The following EIF2B3 variants were observed in gnomAD, a reference collection of about 807,000 sequenced individuals.
EIF2B3 encodes the protein eukaryotic translation initiation factor 2B subunit gamma.
In EIF2B3, 20 loss-of-function variants were observed where a neutral mutation model predicts 54.1. That is an observed-to-expected ratio of 0.37 (90% CI 0.26 to 0.54). EIF2B3 has a LOEUF of 0.54. EIF2B3 is among the 20% of genes least tolerant of loss of function. The pLI, the probability that EIF2B3 is intolerant of heterozygous loss-of-function variation, is 0.86. For synonymous variants in EIF2B3, 153 were observed against 188.1 expected, an observed-to-expected ratio of 0.81 and a Z score of 1.52; for missense variants, 448 against 547.8, an observed-to-expected ratio of 0.82 and a Z score of 1.82.
intron 4 of EIF2B3, among the ~76,000 whole-genome samples, chr1:44,932,060 C>T (rs1643901155): frequency 6.6e-6 from 1 of 151,998 alleles, no homozygotes; most frequent in African/African-American, 2.4e-5. Flanking sequence ...TGCAGTGAGC[C>T]AAGATTGTGC....
intron 1 of EIF2B3, among the ~76,000 whole-genome samples, chr1:44,983,129 G>C (rs1569898717): frequency 6.6e-6 from 1 of 152,006 alleles, no homozygotes; most frequent in East Asian, 1.9e-4. Context: ...TGCTGCCCAG[G>C]CTGGTCTCAA....
intron 10 of EIF2B3, among the ~76,000 whole-genome samples, chr1:44,864,252 T>A (rs1319519291): frequency 5.9e-5 from 9 of 152,164 alleles, no homozygotes; most frequent in African/African-American, 2.2e-4. Flanking sequence ...CAAAGTGTCA[T>A]AATTTGGTGT....
At chr1:44,869,457 GAC>G (rs1439411215) in intron 10 of EIF2B3, among the ~76,000 whole-genome samples, 1 of 150,108 alleles carries the variant, frequency 6.7e-6, no homozygotes, top group African/African-American at 2.5e-5. Flanking sequence ...CAGCCTTGGT[GAC>G]AGAGTGAGAC....
intron 2 of EIF2B3, among the ~76,000 whole-genome samples, chr1:44,979,440 C>T (rs2148964966): frequency 7.1e-6 from 1 of 140,842 alleles, no homozygotes; most frequent in African/African-American, 2.6e-5. Context: ...AACTCAAGAC[C>T]AGCCTGGGTA....
intron 3 of EIF2B3, among the ~76,000 whole-genome samples, chr1:44,944,790 C>T (rs1217933557): frequency 1.3e-5 from 2 of 152,162 alleles, no homozygotes; most frequent in Non-Finnish European, 2.9e-5. Context: ...AATTACTCCA[C>T]TGGATTCCAG....
intron 4 of EIF2B3, among the ~76,000 whole-genome samples, chr1:44,932,837 T>G (rs990483683): frequency 1.3e-5 from 2 of 152,158 alleles, no homozygotes; most frequent in African/African-American, 4.8e-5. Flanking sequence ...AACAAATATG[T>G]GGGCAGAATA....
chr1:44,912,087 T>G (rs1481055650), intron 5 of EIF2B3, among the ~76,000 whole-genome samples: 1 of 151,902 alleles, frequency 6.6e-6, no homozygotes, highest in Admixed American at 6.6e-5. Context: ...GTGCCACATT[T>G]TCTTAATCCA....
intron 5 of EIF2B3, among the ~76,000 whole-genome samples, chr1:44,903,677 TGTGAATGA>T (rs1643358490): frequency 6.6e-6 from 1 of 152,254 alleles, no homozygotes; most frequent in South Asian, 2.1e-4. Flanking sequence ...TCAGCATTGC[TGTGAATGA>T]GACCGTAAGA....
At chr1:44,852,966 GAGA>G (rs1448474365) in intron 11 of EIF2B3, among the ~76,000 whole-genome samples, 2 of 152,168 alleles carry the variant, frequency 1.3e-5, no homozygotes, top group Non-Finnish European at 2.9e-5. Flanking sequence ...AAGGTTGGTA[GAGA>G]AGTTCAGGGA....
intron 4 of EIF2B3, among the ~76,000 whole-genome samples, chr1:44,938,766 C>G (rs966364880): frequency 1.3e-5 from 2 of 152,004 alleles, no homozygotes; most frequent in Non-Finnish European, 2.9e-5. Flanking sequence ...GGATTACGGT[C>G]CTGAGCCATG....
At chr1:44,899,759 G>A (rs1366188599) in intron 5 of EIF2B3, among the ~76,000 whole-genome samples, 1 of 152,202 alleles carries the variant, frequency 6.6e-6, no homozygotes, top group Admixed American at 6.5e-5. Flanking sequence ...TTCAGCCACT[G>A]TGGAAAGCAG....
intron 11 of EIF2B3, among the ~76,000 whole-genome samples, chr1:44,856,381 G>A (rs1042606603): frequency 6.6e-6 from 1 of 151,846 alleles, no homozygotes; most frequent in African/African-American, 2.4e-5. Flanking sequence ...CAAGGGTGGT[G>A]GTGTGCCCCT....
chr1:44,891,761 C>T (rs1451812435), intron 6 of EIF2B3, among the ~76,000 whole-genome samples: 1 of 152,134 alleles, frequency 6.6e-6, no homozygotes, highest in African/African-American at 2.4e-5. Context: ...CTTCTATGCT[C>T]TCACAGTAAA....
chr1:44,855,106 G>A (rs1223496160), intron 11 of EIF2B3, among the ~76,000 whole-genome samples: 2 of 146,938 alleles, frequency 1.4e-5, no homozygotes, highest in Non-Finnish European at 3.0e-5. Flanking sequence ...AAAAAAAAAA[G>A]AAGAAGTAAT....
At chr1:44,864,328 G>T (rs565064300) in intron 10 of EIF2B3, among the ~76,000 whole-genome samples, 24 of 152,284 alleles carry the variant, frequency 1.6e-4, no homozygotes, top group South Asian at 6.2e-4. Context: ...ATTTTGGGAG[G>T]CTGAGGCGGG....
intron 3 of EIF2B3, among the ~76,000 whole-genome samples, chr1:44,964,333 G>C: frequency 6.6e-6 from 1 of 152,122 alleles, no homozygotes; most frequent in East Asian, 1.9e-4. Context: ...TTGGGACCAA[G>C]TTCTCAGATC....
intron 11 of EIF2B3, among the ~76,000 whole-genome samples, chr1:44,852,115 A>ATTTTTTTTT (rs34314171): frequency 1.1e-4 from 15 of 133,262 alleles, no homozygotes; most frequent in Non-Finnish European, 1.5e-4. Context: ...CACATGGCTA[A>ATTTTTTTTT]TTTTTTTTTT....
chr1:44,979,084 C>T (rs1305899776), intron 2 of EIF2B3, among the ~76,000 whole-genome samples: 3 of 151,254 alleles, frequency 2.0e-5, no homozygotes, highest in African/African-American at 7.3e-5. Flanking sequence ...CCCTGGAGTT[C>T]AAGACCAGCC....
At chr1:44,956,807 A>G (rs754843662) in intron 3 of EIF2B3, among the ~76,000 whole-genome samples, 2 of 152,230 alleles carry the variant, frequency 1.3e-5, no homozygotes, top group Non-Finnish European at 2.9e-5. Flanking sequence ...TACACAAGAC[A>G]AACATCAAAT....
Sources: gnomAD v4.1 joint callset for allele counts (sites outside exome capture counted in the v4.1 genomes callset) on GRCh38, gnomAD v4.1.1 for gene constraint, MANE v1.5 for transcripts, NCBI Gene and HGNC (gene_info 2026-07-23, HGNC 2026-07-21) for gene names.